Variants in TPRG1 observed in about 807,000 individuals in gnomAD.
The protein encoded by TPRG1 is tumor protein p63-regulated gene 1 protein.
A neutral mutation model predicts 29.3 loss-of-function variants in TPRG1; 29 were observed. That is an observed-to-expected ratio of 0.99 (90% CI 0.74 to 1.35). TPRG1 has a LOEUF of 1.35. Among genes scored for constraint, TPRG1 ranks in the 40% most tolerant of loss-of-function variants. TPRG1 has a pLI of 0.00. For missense variants in TPRG1, 327 were observed against 335.0 expected, an observed-to-expected ratio of 0.98 and a Z score of 0.19; for synonymous variants, 130 against 116.8, an observed-to-expected ratio of 1.11 and a Z score of -0.73.
At chr3:189,270,576 AG>A (rs1714951754) in intron 4 of TPRG1, among the ~76,000 whole-genome samples, 1 of 152,250 alleles carries the variant, frequency 6.6e-6, no homozygotes. Flanking sequence ...TAGGGTTGGC[AG>A]GCAGGGAGAT....
chr3:189,209,664 C>T (rs948424147), intron 2 of TPRG1, among the ~76,000 whole-genome samples: 8 of 152,172 alleles, frequency 5.3e-5, no homozygotes, highest in Non-Finnish European at 7.3e-5. Flanking sequence ...AGCTAGATTC[C>T]GGGTCTTGAT....
At chr3:189,201,689 A>T (rs1197109858) in intron 1 of TPRG1, among the ~76,000 whole-genome samples, 1 of 151,870 alleles carries the variant, frequency 6.6e-6, no homozygotes, top group African/African-American at 2.4e-5. Flanking sequence ...GCTCCATTTC[A>T]CCCAGGCTGG....
intron 1 of TPRG1, among the ~76,000 whole-genome samples, chr3:189,199,040 C>T (rs969466529): frequency 3.9e-5 from 6 of 152,156 alleles, no homozygotes; most frequent in African/African-American, 1.4e-4. Flanking sequence ...AGAATAGTTA[C>T]TGAGGTTCGA....
intron 4 of TPRG1, among the ~76,000 whole-genome samples, chr3:189,025,818 A>G (rs1034092263): frequency 1.3e-5 from 2 of 152,202 alleles, no homozygotes; most frequent in African/African-American, 2.4e-5. Context: ...CAGTTGACAT[A>G]TCTACAGTGA....
intron 1 of TPRG1, among the ~76,000 whole-genome samples, chr3:189,181,443 A>G (rs887793248): frequency 6.6e-6 from 1 of 152,152 alleles, no homozygotes; most frequent in Non-Finnish European, 1.5e-5. Flanking sequence ...CTGCTTAGAA[A>G]TTGCTTCTGG....
intron 3 of TPRG1, among the ~76,000 whole-genome samples, chr3:189,228,980 G>A (rs1738222104): frequency 6.6e-6 from 1 of 152,014 alleles, no homozygotes; most frequent in Non-Finnish European, 1.5e-5. Context: ...TAGCAATAAA[G>A]AAGTAAAAGC....
At chr3:189,204,896 CTCTG>C (rs140112096) in intron 1 of TPRG1, among the ~76,000 whole-genome samples, 10,478 of 151,930 alleles carry the variant, frequency 0.069, 482 homozygotes, top group Middle Eastern at 0.13. Context: ...AGAGTGCCTC[CTCTG>C]TCTGTCTTTC....
intron 3 of TPRG1, 141 bp from the exon 4 acceptor site, chr3:189,238,592 G>A (rs1739942027): frequency 1.7e-6 from 1 of 579,784 alleles, no homozygotes; most frequent in Non-Finnish European, 2.9e-6. Flanking sequence ...GGGTAGTGGT[G>A]TGGTATTAGG....
In TPRG1 at chr3:189,280,571, G is replaced by A. The variant is rs561846590; in HGVS notation, c.480-29815G>A. Among the ~76,000 whole-genome samples, 8 of 150,704 alleles carry A rather than the reference G, an allele frequency of 5.3e-5. No homozygotes were observed. In the South Asian group the frequency reaches 1.7e-3, roughly 31 times the overall value. ...ACCCATATCTAAAACTTCTCTACAT[G>A]CACCTAAACAGGACCAATGGAAACC... On this transcript the variant is annotated intron_variant, in intron 4 of 5. Coordinates refer to ENST00000345063, the MANE Select transcript of TPRG1 (RefSeq NM_198485.4).
chr3:189,095,974 C>T (rs1718650024), upstream of TPRG1, among the ~76,000 whole-genome samples: 1 of 152,214 alleles, frequency 6.6e-6, no homozygotes, highest in African/African-American at 2.4e-5. Context: ...CATCTCACTT[C>T]TCTTGACCTC....
intron 4 of TPRG1, among the ~76,000 whole-genome samples, chr3:189,084,976 G>A (rs555578679): frequency 6.6e-6 from 1 of 152,274 alleles, no homozygotes; most frequent in African/African-American, 2.4e-5. Flanking sequence ...CAGACAATAT[G>A]TGCACATGCT....
chr3:189,113,362 C>T lies in TPRG1; in HGVS notation c.-744+13158C>T, dbSNP rs201132294. On this transcript the variant is annotated intron_variant, in intron 1 of 6. Transcript: ENST00000412373. ...CTTCCTCTTTTCCTAATTGAATACCCTTTATTTCCTTCTCCTGCCTAATTG... is the reference window on the plus strand; with the variant it reads ...CTTCCTCTTTTCCTAATTGAATACCTTTTATTTCCTTCTCCTGCCTAATTG... Among the ~76,000 whole-genome samples the T allele has an allele frequency of 1.2e-3, 176 of 152,218 alleles. 3 individuals carry two copies. In the East Asian group the frequency reaches 0.02, roughly 17 times the overall value.
chr3:189,096,082 T>C (rs532208929), upstream of TPRG1, among the ~76,000 whole-genome samples: 40 of 152,354 alleles, frequency 2.6e-4, 1 homozygote, highest in African/African-American at 9.1e-4. Flanking sequence ...TGTTTTCATG[T>C]GCACATTAAT....
At chr3:189,166,693 T>C (rs1162334299) in intron 5 of TPRG1, among the ~76,000 whole-genome samples, 2 of 152,246 alleles carry the variant, frequency 1.3e-5, no homozygotes, top group Admixed American at 6.5e-5. Context: ...CGTTTGTGTG[T>C]TTAAATTTTG....
chr3:189,225,233 C>T (rs974544237), intron 3 of TPRG1, among the ~76,000 whole-genome samples: 1 of 152,198 alleles, frequency 6.6e-6, no homozygotes, highest in Non-Finnish European at 1.5e-5. Flanking sequence ...GCCCTGCCGT[C>T]TCTTCCAACT....
At chr3:189,243,584 C>T (rs1249262030) in intron 4 of TPRG1, among the ~76,000 whole-genome samples, 1 of 151,568 alleles carries the variant, frequency 6.6e-6, no homozygotes, top group Non-Finnish European at 1.5e-5. Context: ...TTCAAATTTT[C>T]CAACTTTTAT....
At chr3:189,152,867 T>C (rs749165697) in intron 5 of TPRG1, among the ~76,000 whole-genome samples, 38 of 127,368 alleles carry the variant, frequency 3.0e-4, no homozygotes, top group South Asian at 1.1e-3. Context: ...GATTGCTACC[T>C]GCCATTATTA....
At chr3:189,229,313 G>A (rs1003430657) in intron 3 of TPRG1, among the ~76,000 whole-genome samples, 1 of 151,992 alleles carries the variant, frequency 6.6e-6, no homozygotes, top group Non-Finnish European at 1.5e-5. Flanking sequence ...AATAGCTAAA[G>A]CAATTCTTAA....
At chr3:189,268,171 A>G (rs1426170071) in intron 4 of TPRG1, among the ~76,000 whole-genome samples, 1 of 152,196 alleles carries the variant, frequency 6.6e-6, no homozygotes, top group Non-Finnish European at 1.5e-5. Context: ...TGAACAGGGC[A>G]GCAGGCGAGG....
Sources: gnomAD v4.1 joint callset for allele counts (sites outside exome capture counted in the v4.1 genomes callset) on GRCh38, gnomAD v4.1.1 for gene constraint, MANE v1.5 for transcripts, NCBI Gene and HGNC (gene_info 2026-07-23, HGNC 2026-07-21) for gene names.